Variants in KAZN observed in about 807,000 individuals in gnomAD.
KAZN encodes kazrin.
A neutral mutation model predicts 87.4 loss-of-function variants in KAZN; 40 were observed. That is an observed-to-expected ratio of 0.46 (90% confidence interval 0.36 to 0.60). The LOEUF is 0.60. Among genes scored for constraint, KAZN ranks in the 20% least tolerant of loss-of-function variants. The probability of loss-of-function intolerance (pLI) is 0.00; values close to 1 mark genes in which losing one functional copy is unlikely to be tolerated. For synonymous variants in KAZN, 466 were observed against 458.3 expected (o/e 1.02, Z -0.22); for missense variants, 898 against 1,073.9 (o/e 0.84, Z 2.29).
At chr1:14,514,618 T>TCTC (rs1671201228) in intron 2 of KAZN, among the ~76,000 whole-genome samples, 1 of 53,986 alleles carries the variant, frequency 1.9e-5, no homozygotes, top group African/African-American at 8.3e-5. Flanking sequence ...TATATATATA[T>TCTC]ATATATATAT....
At chr1:14,087,000 GCTATT>G (rs1643873900) in intron 1 of KAZN, among the ~76,000 whole-genome samples, 1 of 152,014 alleles carries the variant, frequency 6.6e-6, no homozygotes, top group African/African-American at 2.4e-5. Context: ...AATTGTTTTT[GCTATT>G]CTAAGTCCTT....
intron 2 of KAZN, among the ~76,000 whole-genome samples, chr1:14,551,687 G>A (rs980737422): frequency 2.0e-5 from 3 of 152,166 alleles, no homozygotes; most frequent in Non-Finnish European, 4.4e-5. Flanking sequence ...GCGAGGTGAA[G>A]CGATTCACAG....
intron 2 of KAZN, among the ~76,000 whole-genome samples, chr1:14,482,464 T>C (rs1669134460): frequency 6.6e-6 from 1 of 152,364 alleles, no homozygotes; most frequent in African/African-American, 2.4e-5. Flanking sequence ...AAGCCATCTC[T>C]GACCAGTTAC....
At chr1:14,898,686 C>A (rs1177387336) in intron 1 of KAZN, among the ~76,000 whole-genome samples, 1 of 152,128 alleles carries the variant, frequency 6.6e-6, no homozygotes, top group African/African-American at 2.4e-5. Context: ...GCTGGAGGGA[C>A]AGTGTTACTA....
chr1:14,935,121 C>T (rs1227959512), intron 1 of KAZN, among the ~76,000 whole-genome samples: 1 of 152,220 alleles, frequency 6.6e-6, no homozygotes, highest in East Asian at 1.9e-4. Flanking sequence ...AACCTGCATC[C>T]CTGGTTTTCC....
At chr1:14,828,805 C>T (rs1443208444) in intron 1 of KAZN, among the ~76,000 whole-genome samples, 1 of 152,144 alleles carries the variant, frequency 6.6e-6, no homozygotes, top group African/African-American at 2.4e-5. Context: ...AGTTGGCATC[C>T]AGAGGTTGGT....
chr1:15,085,078 G>A (rs6680739), intron 8 of KAZN, among the ~76,000 whole-genome samples: 48,379 of 151,756 alleles, frequency 0.32, 9,521 homozygotes, highest in East Asian at 0.91. Flanking sequence ...CATTAAAAAT[G>A]AATAAAAGGG....
At chr1:14,133,731 G>C (rs1321945638) in intron 1 of KAZN, among the ~76,000 whole-genome samples, 1 of 152,128 alleles carries the variant, frequency 6.6e-6, no homozygotes, top group African/African-American at 2.4e-5. Context: ...TTGGCTAATT[G>C]TCATAATCCC....
chr1:14,293,173 A>C (rs1208016941), intron 2 of KAZN, among the ~76,000 whole-genome samples: 1 of 152,194 alleles, frequency 6.6e-6, no homozygotes, highest in Non-Finnish European at 1.5e-5. Context: ...ACAACTACTA[A>C]GTGGAATAGC....
chr1:14,746,670 G>A (rs1644269136), intron 1 of KAZN, among the ~76,000 whole-genome samples: 2 of 152,152 alleles, frequency 1.3e-5, no homozygotes, highest in Admixed American at 1.3e-4. Flanking sequence ...TGGAGAGGGA[G>A]ATGGTGAGGA....
intron 1 of KAZN, among the ~76,000 whole-genome samples, chr1:14,642,005 G>T (rs1300195958): frequency 1.3e-5 from 2 of 152,156 alleles, no homozygotes; most frequent in African/African-American, 4.8e-5. Flanking sequence ...ATTGGCAAAA[G>T]ACATGAACTC....
intron 2 of KAZN, among the ~76,000 whole-genome samples, chr1:14,295,894 A>G (rs1654075277): frequency 6.6e-6 from 1 of 152,082 alleles, no homozygotes; most frequent in Non-Finnish European, 1.5e-5. Context: ...CTGGAGTTCA[A>G]CAGATACTCC....
At chr1:14,302,648 T>C (rs1654633069) in intron 2 of KAZN, among the ~76,000 whole-genome samples, 1 of 152,158 alleles carries the variant, frequency 6.6e-6, no homozygotes, top group African/African-American at 2.4e-5. Flanking sequence ...CAAGTGTCCA[T>C]ATACAATGAT....
In KAZN at chr1:14,923,829, A is replaced by C. The variant is rs1658820291; in HGVS notation, c.227-36855A>C. 6.6e-6 allele frequency among the ~76,000 whole-genome samples: 1 copy of C among 152,186 alleles called. No homozygotes were observed. The highest frequency in any genetic ancestry group is 2.4e-5 in the African/African-American group (1 of 41,444). On this transcript the variant is annotated intron_variant, in intron 1 of 14. Transcript: ENST00000376030. This position sits in a 1 kb window ranked among gnomAD's most constrained non-coding sequence, Gnocchi z 4.2. ...GTCACAGGGTGTCAGGAGAGGAGAG[A>C]GACACAGCAAAGTGGGGTGCCAGGC...
At chr1:14,075,794 T>C (rs2101572996) in intron 1 of KAZN, among the ~76,000 whole-genome samples, 1 of 152,250 alleles carries the variant, frequency 6.6e-6, no homozygotes, top group South Asian at 2.1e-4. Flanking sequence ...CTGTAGGATG[T>C]TTAGCAGCAT....
chr1:14,526,997 T>C (rs1284384775), intron 2 of KAZN, among the ~76,000 whole-genome samples: 3 of 152,236 alleles, frequency 2.0e-5, no homozygotes, highest in Non-Finnish European at 4.4e-5. Flanking sequence ...TTATAGGTAG[T>C]TAATTAAATT....
At chr1:14,633,196 TG>T (rs2148662390) in intron 1 of KAZN, among the ~76,000 whole-genome samples, 1 of 152,240 alleles carries the variant, frequency 6.6e-6, no homozygotes, top group African/African-American at 2.4e-5. Flanking sequence ...GGATTACAGG[TG>T]TGAGCCACCG....
intron 2 of KAZN, among the ~76,000 whole-genome samples, chr1:14,268,428 G>C (rs1651663826): frequency 6.7e-6 from 1 of 148,626 alleles, no homozygotes; most frequent in East Asian, 2.0e-4. Flanking sequence ...TTTTTGTATA[G>C]AATGAGAAGG....
At chr1:14,387,123 C>T (rs1160595207) in intron 2 of KAZN, among the ~76,000 whole-genome samples, 1 of 152,180 alleles carries the variant, frequency 6.6e-6, no homozygotes, top group Non-Finnish European at 1.5e-5. Context: ...GAGGCTTCTG[C>T]ATTCTTTATG....
Sources: allele counts gnomAD v4.1 joint callset (sites outside exome capture counted in the v4.1 genomes callset), GRCh38; gene constraint gnomAD v4.1.1; non-coding constraint Gnocchi (gnomAD v3.1); transcripts MANE v1.5; gene names NCBI Gene and HGNC (gene_info 2026-07-23, HGNC 2026-07-21).